The following CELF5 variants were observed in gnomAD, a reference collection of about 807,000 sequenced individuals.
CELF5 encodes CUG-BP and ETR-3 like factor 5.
CELF5 carries 6 observed loss-of-function variants against 54.9 expected under a neutral mutation model. That is an observed-to-expected ratio of 0.11 (90% CI 0.06 to 0.22). CELF5 has a LOEUF of 0.22. Ranked by LOEUF, CELF5 falls within the 10% of genes least tolerant of loss-of-function variation. The probability of loss-of-function intolerance (pLI) is 1.00; values close to 1 mark genes in which losing one functional copy is unlikely to be tolerated. For missense variants in CELF5, 401 were observed against 678.6 expected (o/e 0.59, Z 4.54); for synonymous variants, 271 against 290.9 (o/e 0.93, Z 0.70).
At chr19:3,285,848 T>G in intron 9 of CELF5, 94 bp from the exon 10 acceptor site, 7 of 167,196 alleles carry the variant, frequency 4.2e-5, no homozygotes, top group South Asian at 7.8e-5. Flanking sequence ...GGCCCCACCC[T>G]CTTATGGCCC....
At chr19:3,237,624 T>C (rs2079434666) in intron 1 of CELF5, among the ~76,000 whole-genome samples, 1 of 152,186 alleles carries the variant, frequency 6.6e-6, no homozygotes, top group African/African-American at 2.4e-5. Flanking sequence ...CAGAGGTCAC[T>C]TTCACCCCCA....
chr19:3,281,126 A>G lies in CELF5; in HGVS notation c.604-73A>G, dbSNP rs2080143623. 1.3e-6 allele frequency: 2 copies of G among 1,544,858 alleles called. No homozygotes were observed. The highest frequency in any genetic ancestry group is 2.3e-5 in the South Asian group (2 of 87,122). ...CCTCACCCAGGAGGCCTGAGCTAAC[A>G]TGAATCCAGGGACCCCAGAGTCCTG... On this transcript the variant is annotated intron_variant, in intron 5 of 12. Coordinates refer to ENST00000292672, the MANE Select transcript of CELF5 (RefSeq NM_021938.4). This position sits in a 1 kb window ranked among gnomAD's most constrained non-coding sequence, Gnocchi z 6.5.
intron 3 of CELF5, among the ~76,000 whole-genome samples, chr19:3,274,849 A>G (rs2080021594): frequency 6.6e-6 from 1 of 151,926 alleles, no homozygotes; most frequent in Non-Finnish European, 1.5e-5. Flanking sequence ...CCAGCGTGGG[A>G]CAGGGAGTAG....
At position 3,229,086 on chromosome 19, in the gene CELF5, C is replaced by G. The variant is rs898066846; in HGVS notation, c.259+4088C>G. ...TGTGACTGTGACATCGTTTCTGCAC[C>G]TCCCTCCCCCCGCCCCCCGCTTCAG... On this transcript the variant is annotated intron_variant, in intron 1 of 12. Transcript: ENST00000292672. Among the ~76,000 whole-genome samples, 8 of 145,352 alleles carry G rather than the reference C, an allele frequency of 5.5e-5. No homozygotes were observed. In the Admixed American group the frequency reaches 5.5e-4, roughly 10 times the overall value.
At chr19:3,231,485 GATGGATGGGTGGATGAATGGATTT>G (rs1235516408) in intron 1 of CELF5, among the ~76,000 whole-genome samples, 326 of 147,680 alleles carry the variant, frequency 2.2e-3, no homozygotes, top group Non-Finnish European at 3.9e-3. Flanking sequence ...TGGATGGATG[GATGGATGGGTGGATGAATGGATTT>G]ATGGATGGAT....
At chr19:3,248,153 C>T (rs1397217922) in intron 1 of CELF5, among the ~76,000 whole-genome samples, 1 of 151,932 alleles carries the variant, frequency 6.6e-6, no homozygotes, top group African/African-American at 2.4e-5. Flanking sequence ...ATCTTCAGAA[C>T]TTTTATTTTA....
chr19:3,246,002 G>A (rs540633319), intron 1 of CELF5, among the ~76,000 whole-genome samples: 3 of 152,306 alleles, frequency 2.0e-5, no homozygotes, highest in African/African-American at 2.4e-5. Flanking sequence ...TGAAGGAATC[G>A]ATGAAAGTTA....
chr19:3,239,764 C>T (rs1032123946), intron 1 of CELF5, among the ~76,000 whole-genome samples: 1 of 151,850 alleles, frequency 6.6e-6, no homozygotes, highest in South Asian at 2.1e-4. Context: ...GGGTAGTCTT[C>T]ACCTTCTCCC....
chr19:3,293,654 C>T (rs933787256), intron 12 of CELF5, 168 bp downstream of exon 12: 14 of 594,438 alleles, frequency 2.4e-5, no homozygotes, highest in Non-Finnish European at 3.5e-5. Context: ...TGTAGACACC[C>T]CCGATCCCCC....
At chr19:3,277,110 C>T (rs2080068590) in intron 4 of CELF5, among the ~76,000 whole-genome samples, 1 of 151,938 alleles carries the variant, frequency 6.6e-6, no homozygotes, top group African/African-American at 2.4e-5. Context: ...GGACCGACTC[C>T]ACTCTGGTCT....
intron 1 of CELF5, among the ~76,000 whole-genome samples, chr19:3,235,506 G>A (rs111927382): frequency 0.015 from 15 of 1,010 alleles, no homozygotes; most frequent in Admixed American, 0.024. Flanking sequence ...GGGTGGGTGG[G>A]TGGATGGATG....
At chr19:3,250,391 A>G (rs1350221579) in intron 1 of CELF5, among the ~76,000 whole-genome samples, 1 of 152,176 alleles carries the variant, frequency 6.6e-6, no homozygotes, top group Non-Finnish European at 1.5e-5. Flanking sequence ...CGGGAGGCTG[A>G]GGCAGGAGAA....
At chr19:3,249,263 C>G (rs866621762) in intron 1 of CELF5, among the ~76,000 whole-genome samples, 3 of 152,154 alleles carry the variant, frequency 2.0e-5, no homozygotes, top group Non-Finnish European at 4.4e-5. Flanking sequence ...GACAGGACCA[C>G]TCAGTCCCCT....
intron 2 of CELF5, among the ~76,000 whole-genome samples, chr19:3,259,767 T>G (rs1338638731): frequency 6.6e-6 from 1 of 150,522 alleles, no homozygotes; most frequent in East Asian, 2.0e-4. Context: ...CATTTACGGT[T>G]GTCACGACGT....
chr19:3,227,621 C>T (rs1026859060), intron 1 of CELF5, among the ~76,000 whole-genome samples: 1 of 152,096 alleles, frequency 6.6e-6, no homozygotes, highest in Non-Finnish European at 1.5e-5. Context: ...AGGGGGTCAG[C>T]TGGTACCACC....
At chr19:3,257,784 T>TA (rs1483975514) in intron 2 of CELF5, among the ~76,000 whole-genome samples, 4,145 of 37,404 alleles carry the variant, frequency 0.11, 177 homozygotes, top group African/African-American at 0.19. Context: ...CCTCCATTTT[T>TA]TTTTATTTAT....
intron 1 of CELF5, among the ~76,000 whole-genome samples, chr19:3,230,530 T>C (rs1389820025): frequency 6.6e-6 from 1 of 152,018 alleles, no homozygotes; most frequent in Non-Finnish European, 1.5e-5. Context: ...AGGTGAGGCG[T>C]GGGAGATGAG....
At chr19:3,287,842 C>T (rs1409980922) in intron 10 of CELF5, among the ~76,000 whole-genome samples, 1 of 148,534 alleles carries the variant, frequency 6.7e-6, no homozygotes, top group Admixed American at 6.7e-5. Context: ...AATGGTAGCA[C>T]TGTTTTCTCC....
At chr19:3,288,355 C>T (rs2080287332) in intron 10 of CELF5, among the ~76,000 whole-genome samples, 1 of 151,704 alleles carries the variant, frequency 6.6e-6, no homozygotes, top group African/African-American at 2.4e-5. Flanking sequence ...AACCCTGTCT[C>T]TACTAAAAAT....
Sources: allele counts gnomAD v4.1 joint callset (sites outside exome capture counted in the v4.1 genomes callset), GRCh38; gene constraint gnomAD v4.1.1; non-coding constraint Gnocchi (gnomAD v3.1); transcripts MANE v1.5; gene names NCBI Gene and HGNC (gene_info 2026-07-23, HGNC 2026-07-21).